APBB2: variants seen among roughly 807,000 people sequenced by gnomAD.
The protein encoded by APBB2 is amyloid beta precursor protein binding family B member 2.
APBB2 carries 38 observed loss-of-function variants against 82.5 expected under a neutral mutation model. That is an observed-to-expected ratio of 0.46 (90% CI 0.36 to 0.60). APBB2 has a LOEUF of 0.60. Among genes scored for constraint, APBB2 ranks in the 20% least tolerant of loss-of-function variants. The pLI is 0.00. For synonymous variants in APBB2, 341 were observed against 368.2 expected (o/e 0.93, Z 0.85); for missense variants, 772 against 972.3 (o/e 0.79, Z 2.74).
intron 10 of APBB2, among the ~76,000 whole-genome samples, chr4:40,918,577 A>G (rs901189572): frequency 2.6e-5 from 4 of 152,196 alleles, no homozygotes; most frequent in Non-Finnish European, 5.9e-5. Flanking sequence ...TCTCTCAATA[A>G]CAACACGAAC....
chr4:40,815,178 T>C lies in APBB2; in HGVS notation c.*914A>G, dbSNP rs1192029135. 2 of 152,634 alleles carry C rather than the reference T, an allele frequency of 1.3e-5. No individual in the cohort carries two copies. The highest frequency in any genetic ancestry group is 4.8e-5 in the African/African-American group (2 of 41,440). 9.5% of individuals were successfully genotyped at this position (152,634 alleles called of 1,614,324 possible). A position where few individuals can be genotyped will look rare whatever the true frequency, so the allele number is the denominator to read the frequency against. ...GATATTTCCTCAACTTCAAATTGCA[T>C]ATCAGCTAATTCTCAAACTAAGGAT... On this transcript the variant is annotated 3_prime_UTR_variant, in exon 18 of 18. Transcript: ENST00000508593.
At chr4:40,973,833 GTGTC>G (rs1360651651) in intron 6 of APBB2, among the ~76,000 whole-genome samples, 3 of 149,620 alleles carry the variant, frequency 2.0e-5, no homozygotes, top group African/African-American at 4.9e-5. Context: ...TTCTGTGTGT[GTGTC>G]TGTCTCCAAA....
At chr4:41,088,523 G>A (rs1418022754) in intron 3 of APBB2, among the ~76,000 whole-genome samples, 2 of 152,270 alleles carry the variant, frequency 1.3e-5, no homozygotes, top group Non-Finnish European at 2.9e-5. Context: ...CTGGGAAGAA[G>A]CAGATCCTGA....
intron 5 of APBB2, among the ~76,000 whole-genome samples, chr4:41,016,450 T>C (rs1579268293): frequency 6.6e-6 from 1 of 151,942 alleles, no homozygotes; most frequent in South Asian, 2.1e-4. Context: ...TCACCTGAGG[T>C]CGGGAGTTTG....
At chr4:40,819,429 G>T (rs1206892887) in intron 17 of APBB2, among the ~76,000 whole-genome samples, 4 of 151,594 alleles carry the variant, frequency 2.6e-5, no homozygotes, top group African/African-American at 9.7e-5. Context: ...CAAGTGATCC[G>T]CCCGCCTCAG....
intron 2 of APBB2, among the ~76,000 whole-genome samples, chr4:41,103,397 CTA>C (rs900034870): frequency 2.6e-5 from 4 of 152,166 alleles, no homozygotes; most frequent in African/African-American, 9.6e-5. Flanking sequence ...TAAAAAGACT[CTA>C]AATTTTCTTT....
intron 4 of APBB2, among the ~76,000 whole-genome samples, chr4:41,053,991 A>C (rs955738035): frequency 1.3e-5 from 2 of 152,248 alleles, no homozygotes; most frequent in African/African-American, 4.8e-5. Flanking sequence ...TTAATTTAAC[A>C]GTCCATTCAG....
chr4:41,162,763 G>A (rs888716317), intron 1 of APBB2, among the ~76,000 whole-genome samples: 2 of 152,200 alleles, frequency 1.3e-5, no homozygotes, highest in Admixed American at 1.3e-4. Context: ...GCTGAGGTGG[G>A]AGGACGGCTT....
chr4:40,964,274 G>A (rs1282180487), intron 6 of APBB2, among the ~76,000 whole-genome samples: 2 of 152,076 alleles, frequency 1.3e-5, no homozygotes, highest in South Asian at 2.1e-4. Context: ...TGGCCACTGG[G>A]TCTGTTTGAG....
intron 10 of APBB2, among the ~76,000 whole-genome samples, chr4:40,916,108 G>C (rs1578407775): frequency 6.6e-6 from 1 of 152,210 alleles, no homozygotes; most frequent in East Asian, 1.9e-4. Flanking sequence ...GGTAATTGCA[G>C]AAGAGAAAAC....
At chr4:41,153,339 G>A (rs888708552) in intron 1 of APBB2, among the ~76,000 whole-genome samples, 11 of 152,060 alleles carry the variant, frequency 7.2e-5, no homozygotes, top group South Asian at 2.1e-4. Context: ...TCAGTCTACC[G>A]TACTGCTAGG....
At chr4:40,907,037 TAGAC>T (rs1776953557) in intron 10 of APBB2, among the ~76,000 whole-genome samples, 1 of 152,114 alleles carries the variant, frequency 6.6e-6, no homozygotes, top group African/African-American at 2.4e-5. Flanking sequence ...TAGGTACAGA[TAGAC>T]ATACATGCAA....
intron 3 of APBB2, among the ~76,000 whole-genome samples, chr4:41,067,208 G>A (rs570416409): frequency 9.2e-5 from 14 of 152,214 alleles, no homozygotes; most frequent in East Asian, 5.8e-4. Flanking sequence ...TCGGGAGTTC[G>A]GGACCAGCCT....
intron 12 of APBB2, among the ~76,000 whole-genome samples, chr4:40,865,859 C>A (rs62410283): frequency 6.6e-5 from 10 of 151,984 alleles, no homozygotes; most frequent in African/African-American, 2.4e-4. Context: ...TGGAAAATGC[C>A]GATTAAAACC....
At chr4:40,936,225 T>C (rs1785334087) in intron 7 of APBB2, among the ~76,000 whole-genome samples, 1 of 152,182 alleles carries the variant, frequency 6.6e-6, no homozygotes, top group Non-Finnish European at 1.5e-5. Flanking sequence ...AGCTTAAATG[T>C]CTTGTGCGTC....
intron 10 of APBB2, among the ~76,000 whole-genome samples, chr4:40,902,853 G>C (rs1775701342): frequency 6.6e-6 from 1 of 151,646 alleles, no homozygotes. Flanking sequence ...TTTAATACAA[G>C]AAACTGGCCA....
At chr4:40,990,454 G>A (rs1415433050) in intron 6 of APBB2, among the ~76,000 whole-genome samples, 1 of 152,080 alleles carries the variant, frequency 6.6e-6, no homozygotes, top group Non-Finnish European at 1.5e-5. Context: ...TTCATCCCAA[G>A]CCAATCATTT....
At position 40,960,446 on chromosome 4, in the gene APBB2, G is replaced by GTTTTTTTTTTTTTTTTTTTTTT. The variant is rs371607683; in HGVS notation, c.836-15374_836-15373insAAAAAAAAAAAAAAAAAAAAAA. Among the ~76,000 whole-genome samples the GTTTTTTTTTTTTTTTTTTTTTT allele has an allele frequency of 3.3e-5, 4 of 120,544 alleles. 2 individuals carry two copies. 79.1% of individuals were successfully genotyped at this position (120,544 alleles called of 152,430 possible). ...CATCAAAAACAGAAATTTTTTTTCG[G>GTTTTTTTTTTTTTTTTTTTTTT]GTTTTTTTTTTTTTTTTTTGAGACG... On this transcript the variant is annotated intron_variant, in intron 6 of 17. Transcript: ENST00000508593.
intron 2 of APBB2, among the ~76,000 whole-genome samples, chr4:41,121,899 G>A (rs1186356003): frequency 6.6e-6 from 1 of 151,770 alleles, no homozygotes; most frequent in Non-Finnish European, 1.5e-5. Flanking sequence ...TTGGTTGTGT[G>A]TGTGTGTGTG....
Sources: gnomAD v4.1 joint callset for allele counts (sites outside exome capture counted in the v4.1 genomes callset) on GRCh38, gnomAD v4.1.1 for gene constraint, MANE v1.5 for transcripts, NCBI Gene and HGNC (gene_info 2026-07-23, HGNC 2026-07-21) for gene names.